The following TUBGCP4 variants were observed in gnomAD, a reference collection of about 807,000 sequenced individuals.
TUBGCP4 encodes gamma-tubulin complex component 4.
Under a neutral mutation model 91.6 loss-of-function variants are expected in TUBGCP4, and 54 were observed. That is an observed-to-expected ratio of 0.59 (90% CI 0.47 to 0.74). The LOEUF (loss-of-function observed/expected upper bound fraction) is 0.74. Among genes scored for constraint, TUBGCP4 ranks in the 30% least tolerant of loss-of-function variants. TUBGCP4 has a pLI of 0.00. For missense variants in TUBGCP4, 593 were observed against 800.9 expected, an observed-to-expected ratio of 0.74 and a Z score of 3.13; for synonymous variants, 297 against 302.8, an observed-to-expected ratio of 0.98 and a Z score of 0.20.
At chr15:43,397,179 A>G in intron 11 of TUBGCP4, 35 bp from the exon 12 acceptor site, 1 of 1,542,554 alleles carries the variant, frequency 6.5e-7, no homozygotes, top group Non-Finnish European at 9.0e-7. Context: ...TATGTAGCCA[A>G]GCGTCCCTGT....
intron 1 of TUBGCP4, among the ~76,000 whole-genome samples, chr15:43,375,750 T>C (rs2044195754): frequency 6.6e-6 from 1 of 152,236 alleles, no homozygotes; most frequent in Non-Finnish European, 1.5e-5. Flanking sequence ...GAGACTTTGT[T>C]GCAACCAGGT....
chr15:43,378,887 A>G (rs963739415), intron 5 of TUBGCP4, among the ~76,000 whole-genome samples: 5 of 152,256 alleles, frequency 3.3e-5, no homozygotes, highest in Non-Finnish European at 7.3e-5. Context: ...TCCCAGCTCT[A>G]TCTGGCTCCA....
intron 10 of TUBGCP4, 61 bp from the exon 11 acceptor site, chr15:43,395,522 C>A: frequency 8.1e-7 from 1 of 1,232,676 alleles, no homozygotes; most frequent in Non-Finnish European, 1.2e-6. Flanking sequence ...TGTAATTCCT[C>A]AGGACAGTGA....
Position 43,385,975 on chromosome 15 carries a change from A to G in TUBGCP4, c.889+19A>G. 1.9e-6 allele frequency: 3 copies of G among 1,612,732 alleles called. No homozygotes were observed. The highest frequency in any genetic ancestry group is 1.1e-5 in the South Asian group (1 of 90,866). On this transcript the variant is annotated intron_variant, in intron 8 of 17. Coordinates refer to ENST00000564079, the MANE Select transcript of TUBGCP4 (RefSeq NM_014444.5). ...AGAAAAGGTAGAAATCTCCTTGTCC[A>G]ATGTACCACACCCTCAAAATCTCTT...
In TUBGCP4 at chr15:43,397,135, G is replaced by A. The variant is rs181792505; in HGVS notation, c.1172-79G>A. 5.1e-5 allele frequency: 49 copies of A among 951,626 alleles called. No individual in the cohort carries two copies. In the African/African-American group the frequency reaches 7.5e-4, roughly 15 times the overall value. The allele number at this position is 951,626 out of a possible 1,614,324, so 58.9% of individuals were successfully genotyped here. ...TGCTGTTAGCATTGAGCATGTTGGG[G>A]GAGAAGTGGAAAGCTGGAGGAGTCT... On this transcript the variant is annotated intron_variant, in intron 11 of 17. Coordinates refer to ENST00000564079, the MANE Select transcript of TUBGCP4 (RefSeq NM_014444.5).
At chr15:43,383,089 T>G (rs2044308047) in intron 6 of TUBGCP4, among the ~76,000 whole-genome samples, 1 of 152,200 alleles carries the variant, frequency 6.6e-6, no homozygotes, top group African/African-American at 2.4e-5. Flanking sequence ...TAAAATAATA[T>G]CAGCACATAT....
chr15:43,376,322 G>T, intron 2 of TUBGCP4, 96 bp downstream of exon 2: 2 of 1,601,554 alleles, frequency 1.2e-6, no homozygotes, highest in Non-Finnish European at 8.5e-7. Flanking sequence ...AGCTTTCAGT[G>T]AATTTATCGG....
intron 13 of TUBGCP4, among the ~76,000 whole-genome samples, chr15:43,399,737 C>T (rs1387466611): frequency 6.6e-6 from 1 of 152,146 alleles, no homozygotes; most frequent in Non-Finnish European, 1.5e-5. Flanking sequence ...AGAAGCAACA[C>T]GAGTCAACCA....
intron 9 of TUBGCP4, among the ~76,000 whole-genome samples, chr15:43,393,177 C>T (rs2044507938): frequency 6.7e-6 from 1 of 149,902 alleles, no homozygotes; most frequent in Non-Finnish European, 1.5e-5. Context: ...TTTATCCATT[C>T]ATCCTTGATA....
chr15:43,409,577 C>A lies in TUBGCP4; in HGVS notation c.*4363C>A. 1 of 828,082 alleles carries A rather than the reference C, an allele frequency of 1.2e-6. No individual in the cohort carries two copies. 51.3% of individuals were successfully genotyped at this position (828,082 alleles called of 1,614,324 possible). On this transcript the variant is annotated 3_prime_UTR_variant, in exon 18 of 18. Transcript: ENST00000564079. ...TCCAGGTTCCCCAACCCCTCCCAGG[C>A]CTCTTCTCAACACAGCAAGTTGGCT...
At chr15:43,378,737 T>C (rs190290746) in intron 5 of TUBGCP4, among the ~76,000 whole-genome samples, 61 of 152,344 alleles carry the variant, frequency 4.0e-4, no homozygotes, top group African/African-American at 1.4e-3. Context: ...AATAACAACA[T>C]CCAGCTTTTA....
Position 43,376,112 on chromosome 15 carries a change from C to A in TUBGCP4, c.93C>A (p.Phe31Leu), listed in dbSNP as rs1274193549. The stretch of plus-strand genomic sequence containing the variant: ...TCTTCCTGCAGGTATCGCAGGACTT[C>A]CCTTTCCTCCACCCCAGTGAGACCA... Reference protein sequence around the residue: ...KRSGLQVSQDFPFLHPSETSV... With the variant: ...KRSGLQVSQDLPFLHPSETSV... The change falls in exon 2 of 18, where the codon TTC (phenylalanine) becomes TTA (leucine). Residue 31 changes from phenylalanine to leucine, a missense_variant. Transcript: ENST00000564079. 1.9e-6 allele frequency: 3 copies of A among 1,614,148 alleles called. No individual in the cohort carries two copies. The highest frequency in any genetic ancestry group is 1.1e-5 in the South Asian group (1 of 91,068).
intron 11 of TUBGCP4, 116 bp from the exon 12 acceptor site, chr15:43,397,098 T>A: frequency 1.3e-6 from 1 of 742,112 alleles, no homozygotes; most frequent in East Asian, 2.5e-5. Flanking sequence ...GAAACAGATG[T>A]CCACTGTGTC....
At chr15:43,394,682 C>T (rs2044551636) in intron 9 of TUBGCP4, 1 of 165,300 alleles carries the variant, frequency 6.0e-6, no homozygotes, top group Non-Finnish European at 1.3e-5. Flanking sequence ...GGTTTAGCGC[C>T]ATTCCCCTTG....
chr15:43,403,642 C>A (rs558556823), intron 15 of TUBGCP4, 41 bp from the exon 16 acceptor site: 3 of 1,412,180 alleles, frequency 2.1e-6, no homozygotes, highest in South Asian at 1.2e-5. Flanking sequence ...CATGGATGTA[C>A]CTTCCTTCCT....
At chr15:43,380,287 A>G (rs1314533652) in intron 6 of TUBGCP4, 124 bp downstream of exon 6, 1 of 874,120 alleles carries the variant, frequency 1.1e-6, no homozygotes, top group Non-Finnish European at 1.8e-6. Context: ...CCAGGATAGA[A>G]AAAGCTCCAT....
intron 13 of TUBGCP4, chr15:43,399,052 G>T: frequency 1.1e-6 from 1 of 873,618 alleles, no homozygotes; most frequent in Non-Finnish European, 1.6e-6. Context: ...CTTTATGTTT[G>T]GGTTTGTTCA....
intron 6 of TUBGCP4, among the ~76,000 whole-genome samples, chr15:43,382,629 C>T (rs1012745751): frequency 6.6e-6 from 1 of 152,194 alleles, no homozygotes; most frequent in African/African-American, 2.4e-5. Flanking sequence ...CCCATTACAT[C>T]ATATTAGAAG....
chr15:43,371,406 A>G lies in TUBGCP4; in HGVS notation c.52A>G (p.Thr18Ala). ...ALSGYPGSIFTWNKRSGLQVS... is the reference protein window; with the variant it reads ...ALSGYPGSIFAWNKRSGLQVS... ...GAGCGGGTACCCTGGGTCCATTTTC[A>G]CCTGGAACAAGCGGAGTGGCCTGCA... The change falls in exon 1 of 18, where the codon ACC becomes GCC. Residue 18 changes from threonine (T) to alanine (A), a missense_variant. Transcript: ENST00000564079. The G allele has an allele frequency of 1.2e-6, 2 of 1,613,776 alleles. No homozygotes were observed. Among genetic ancestry groups the G allele is most frequent in the Non-Finnish European group, 8.5e-7 (1 of 1,179,958 alleles).
Sources: allele counts gnomAD v4.1 joint callset (sites outside exome capture counted in the v4.1 genomes callset), GRCh38; gene constraint gnomAD v4.1.1; transcripts MANE v1.5; gene names NCBI Gene and HGNC (gene_info 2026-07-23, HGNC 2026-07-21).